ZCCHC7: variants seen among roughly 807,000 people sequenced by gnomAD.
ZCCHC7 encodes the protein zinc finger CCHC domain-containing protein 7.
ZCCHC7 carries 35 observed loss-of-function variants against 52.0 expected under a neutral mutation model. The ratio of observed to expected loss-of-function variants is 0.67; its 90% CI spans 0.51 to 0.89. The LOEUF (loss-of-function observed/expected upper bound fraction) is 0.89, where lower values mean the gene tolerates loss of function less well. ZCCHC7 is among the 40% of genes least tolerant of loss of function. The pLI, the probability that ZCCHC7 is intolerant of heterozygous loss-of-function variation, is 0.00. For missense variants in ZCCHC7, 574 were observed against 649.1 expected, an observed-to-expected ratio of 0.88 and a Z score of 1.26; for synonymous variants, 217 against 221.5, an observed-to-expected ratio of 0.98 and a Z score of 0.18.
chr9:37,345,363 A>G (rs1820893177), intron 6 of ZCCHC7, among the ~76,000 whole-genome samples: 1 of 152,184 alleles, frequency 6.6e-6, no homozygotes. Flanking sequence ...TCATGTCTTC[A>G]CAGTGTTCTA....
intron 2 of ZCCHC7, among the ~76,000 whole-genome samples, chr9:37,264,790 T>C (rs1827024633): frequency 1.3e-5 from 2 of 152,200 alleles, no homozygotes; most frequent in Admixed American, 1.3e-4. Flanking sequence ...TGTATGCTGT[T>C]TTCTCTAGTC....
chr9:37,313,788 G>C (rs760255921), intron 5 of ZCCHC7, among the ~76,000 whole-genome samples: 2 of 152,176 alleles, frequency 1.3e-5, no homozygotes, highest in Admixed American at 6.5e-5. Context: ...CCTCCACCAT[G>C]ATTGTAAGTG....
At chr9:37,181,852 A>G (rs748055442) in intron 2 of ZCCHC7, among the ~76,000 whole-genome samples, 3 of 152,132 alleles carry the variant, frequency 2.0e-5, no homozygotes, top group Non-Finnish European at 4.4e-5. Context: ...ATTTTTATAA[A>G]TTTTTAAAAA....
Position 37,354,872 on chromosome 9 carries a change from ATTTC to A in ZCCHC7, c.1198+52_1198+55del, listed in dbSNP as rs769613331. On this transcript the variant is annotated intron_variant, in intron 8 of 8. Transcript: ENST00000336755. The surrounding 1 kb of genome is among the most constrained non-coding windows in gnomAD (Gnocchi z 4.0). Reference sequence around the variant, plus strand: ...AGATCACATTTGCAGTAGTTTCTAAATTTCTTTGTTTGTACTGTCTTTGCCTGCT... The same window carrying A: ...AGATCACATTTGCAGTAGTTTCTAAATTTGTTTGTACTGTCTTTGCCTGCT... The A allele has an allele frequency of 5.3e-6, 7 of 1,323,644 alleles. No individual in the cohort carries two copies. Among genetic ancestry groups the A allele is most frequent in the Non-Finnish European group, 5.3e-6 (5 of 939,036 alleles). 82.0% of individuals were successfully genotyped at this position (1,323,644 alleles called of 1,614,324 possible).
At chr9:37,329,953 C>T (rs1830390868) in intron 6 of ZCCHC7, among the ~76,000 whole-genome samples, 2 of 151,798 alleles carry the variant, frequency 1.3e-5, no homozygotes, top group Admixed American at 1.3e-4. Flanking sequence ...CCAAAATTGT[C>T]ATATTTCTTA....
chr9:37,230,493 A>G (rs1825346139), intron 2 of ZCCHC7, among the ~76,000 whole-genome samples: 1 of 152,204 alleles, frequency 6.6e-6, no homozygotes, highest in Non-Finnish European at 1.5e-5. Context: ...TGTTGGGAAA[A>G]AATGTGGGAT....
At chr9:37,195,401 T>G (rs1221496760) in intron 2 of ZCCHC7, among the ~76,000 whole-genome samples, 2 of 152,202 alleles carry the variant, frequency 1.3e-5, no homozygotes. Flanking sequence ...ATAAAGTTTT[T>G]TTTGTTTATT....
intron 2 of ZCCHC7, among the ~76,000 whole-genome samples, chr9:37,164,187 A>G (rs2132927866): frequency 6.6e-6 from 1 of 152,142 alleles, no homozygotes; most frequent in South Asian, 2.1e-4. Flanking sequence ...CACGCCTGTA[A>G]TCCCAACACT....
At chr9:37,163,119 T>C (rs1381153999) in intron 2 of ZCCHC7, among the ~76,000 whole-genome samples, 1 of 152,058 alleles carries the variant, frequency 6.6e-6, no homozygotes, top group Non-Finnish European at 1.5e-5. Flanking sequence ...AAGAATCACT[T>C]GAACCCGGGA....
intron 2 of ZCCHC7, among the ~76,000 whole-genome samples, chr9:37,221,656 A>G (rs1217630959): frequency 6.6e-6 from 1 of 152,172 alleles, no homozygotes; most frequent in African/African-American, 2.4e-5. Context: ...CATGATAGTA[A>G]CTAGATTAAG....
At chr9:37,303,655 CTTTTTTTTTTTT>C (rs74182940) in intron 3 of ZCCHC7, among the ~76,000 whole-genome samples, 2 of 56,774 alleles carry the variant, frequency 3.5e-5, no homozygotes, top group South Asian at 8.1e-4. Context: ...TTTTCTACCT[CTTTTTTTTTTTT>C]TTTTTTTTTT....
At chr9:37,227,637 A>G (rs1825182314) in intron 2 of ZCCHC7, among the ~76,000 whole-genome samples, 1 of 152,198 alleles carries the variant, frequency 6.6e-6, no homozygotes. Flanking sequence ...TTGAACCTGT[A>G]TATTCCTACT....
At chr9:37,217,308 TA>T (rs1450227052) in intron 2 of ZCCHC7, among the ~76,000 whole-genome samples, 12 of 152,214 alleles carry the variant, frequency 7.9e-5, no homozygotes, top group African/African-American at 2.7e-4. Flanking sequence ...AATTCATTTT[TA>T]AATGTGGCAA....
At position 37,349,446 on chromosome 9, in the gene ZCCHC7, T is replaced by G. The variant is rs770796882; in HGVS notation, c.1077T>G (p.Tyr359Ter). 6.2e-7 allele frequency: 1 copy of G among 1,613,972 alleles called. No individual in the cohort carries two copies. Residue 359 changes from tyrosine (Y) to a stop codon, truncating the protein, a stop_gained, in exon 7 of 9, where the codon TAT becomes TAG. Transcript: ENST00000336755. LOFTEE classifies it high-confidence loss of function. ...ATCACTGCGCGCAAAAAGGCCATTATGGACACGTAAGTTTGAGTGACATTT... is the reference window on the plus strand; with the variant it reads ...ATCACTGCGCGCAAAAAGGCCATTAGGGACACGTAAGTTTGAGTGACATTT... The part of the protein sequence containing the change: ...YCYHCAQKGH[Y>*]GHECPEREVY...
chr9:37,348,347 GTTCTTTCTTTCT>G (rs58182218), intron 6 of ZCCHC7, among the ~76,000 whole-genome samples: 2,473 of 135,588 alleles, frequency 0.018, 28 homozygotes, highest in Middle Eastern at 0.051. Context: ...ATACCAGTTC[GTTCTTTCTTTCT>G]TTCTTTCTTT....
At chr9:37,349,496 G>A (rs1821233476) in intron 7 of ZCCHC7, 44 bp downstream of exon 7, 1 of 1,562,154 alleles carries the variant, frequency 6.4e-7, no homozygotes, top group African/African-American at 1.4e-5. Context: ...CTGTTGTCAG[G>A]GAGTGTTTTC....
rs59489076 is a variant in ZCCHC7 at position 37,254,837 on chromosome 9, CTTTTTT to C, written c.611-47340_611-47335del. Among the ~76,000 whole-genome samples the C allele has an allele frequency of 1.6e-4, 15 of 93,474 alleles. No individual in the cohort carries two copies. The East Asian group carries it at 3.9e-3, about 24-fold the overall frequency. The allele number at this position is 93,474 out of a possible 152,430, so 61.3% of individuals were successfully genotyped here. A position where few individuals can be genotyped will look rare whatever the true frequency, so the allele number is the denominator to read the frequency against. ...TGCCATGTTAATGCTCAAAAAGTTT[CTTTTTT>C]TTTTTTTTTTGGATTTTTGAATTAG... On this transcript the variant is annotated intron_variant, in intron 2 of 8. Transcript: ENST00000336755.
intron 6 of ZCCHC7, among the ~76,000 whole-genome samples, chr9:37,344,832 A>G (rs1820861351): frequency 6.6e-6 from 1 of 152,188 alleles, no homozygotes; most frequent in Admixed American, 6.5e-5. Context: ...AATATCTGGC[A>G]TGTATTAGGC....
At chr9:37,308,536 C>A (rs1054382482) in intron 5 of ZCCHC7, among the ~76,000 whole-genome samples, 29 of 152,138 alleles carry the variant, frequency 1.9e-4, no homozygotes, top group Admixed American at 1.5e-3. Flanking sequence ...TTCCTCTTAA[C>A]TTCTTGATTT....
Sources: allele counts gnomAD v4.1 joint callset (sites outside exome capture counted in the v4.1 genomes callset), GRCh38; gene constraint gnomAD v4.1.1; non-coding constraint Gnocchi (gnomAD v3.1); transcripts MANE v1.5; gene names NCBI Gene and HGNC (gene_info 2026-07-23, HGNC 2026-07-21).